Variants in GPAT3 observed in about 807,000 individuals in gnomAD.
The protein encoded by GPAT3 is 1-AGP acyltransferase 9.
Under a neutral mutation model 58.8 loss-of-function variants are expected in GPAT3, and 53 were observed. The observed-to-expected ratio is 0.90, with a 90% CI of 0.72 to 1.13. GPAT3 has a LOEUF of 1.13. Ranked by LOEUF, GPAT3 falls within the 50% of genes most tolerant of loss-of-function variation. GPAT3 has a pLI of 0.00. For missense variants in GPAT3, 511 were observed against 527.6 expected, an observed-to-expected ratio of 0.97 and a Z score of 0.31; for synonymous variants, 197 against 187.4, an observed-to-expected ratio of 1.05 and a Z score of -0.42.
At chr4:83,578,977 TTTCTTTCTTTCCTTCC>T (rs1560620719) in intron 2 of GPAT3, among the ~76,000 whole-genome samples, 7 of 133,470 alleles carry the variant, frequency 5.2e-5, no homozygotes, top group African/African-American at 1.8e-4. Flanking sequence ...TCTTTCTTTC[TTTCTTTCTTTCCTTCC>T]TTCCTTCCTT....
chr4:83,591,581 A>G lies in GPAT3; in HGVS notation c.738+1289A>G, dbSNP rs537053578. On this transcript the variant is annotated intron_variant, in intron 6 of 11. Transcript: ENST00000264409. ...CATCATACAAACAACAATTTTATGT[A>G]TAATTTCAAGATGTTTATGGGTCTC... 3.9e-4 allele frequency among the ~76,000 whole-genome samples: 59 copies of G among 152,336 alleles called. 2 individuals carry two copies. In the South Asian group the frequency reaches 9.1e-3, roughly 24 times the overall value.
At chr4:83,579,029 T>C (rs1560620913) in intron 2 of GPAT3, among the ~76,000 whole-genome samples, 12 of 20,650 alleles carry the variant, frequency 5.8e-4, no homozygotes, top group African/African-American at 1.0e-3. Context: ...TTTCTTTCTT[T>C]CTTTCTTTCT....
At chr4:83,566,419 T>TTATTATTATTA (rs141548038) in intron 2 of GPAT3, among the ~76,000 whole-genome samples, 3 of 143,594 alleles carry the variant, frequency 2.1e-5, no homozygotes, top group African/African-American at 7.8e-5. Context: ...AATTAATTAA[T>TTATTATTATTA]TTATTATTAT....
rs145558554 is a variant in GPAT3 at position 83,563,585 on chromosome 4, G to A, written c.209-17977G>A. On this transcript the variant is annotated intron_variant, in intron 2 of 11. Coordinates refer to ENST00000264409, the MANE Select transcript of GPAT3 (RefSeq NM_032717.5). Reference sequence around the variant, plus strand: ...CAGCCTCCTCCTCCCAGGTCCAAGCGATTCTCCTGCCTTAGGCTCCTGAAT... The same window carrying A: ...CAGCCTCCTCCTCCCAGGTCCAAGCAATTCTCCTGCCTTAGGCTCCTGAAT... 1.1e-3 allele frequency among the ~76,000 whole-genome samples: 163 copies of A among 148,052 alleles called. 1 individual carries two copies. The highest frequency in any genetic ancestry group is 3.6e-3 in the African/African-American group (145 of 40,428).
intron 1 of GPAT3, among the ~76,000 whole-genome samples, chr4:83,543,103 C>T (rs754109563): frequency 3.9e-5 from 6 of 152,174 alleles, no homozygotes; most frequent in Non-Finnish European, 8.8e-5. Flanking sequence ...AGTTTGAGTA[C>T]AGTCTGGTCG....
intron 1 of GPAT3, among the ~76,000 whole-genome samples, chr4:83,537,143 C>T (rs1724129245): frequency 6.6e-6 from 1 of 152,192 alleles, no homozygotes; most frequent in African/African-American, 2.4e-5. Context: ...GTTTTTACAG[C>T]CCCAGGTTTC....
chr4:83,554,952 C>T (rs569855774), intron 2 of GPAT3, among the ~76,000 whole-genome samples: 55 of 152,020 alleles, frequency 3.6e-4, no homozygotes, highest in African/African-American at 1.2e-3. Flanking sequence ...TATAGGTGTA[C>T]GCCACCATGC....
intron 2 of GPAT3, among the ~76,000 whole-genome samples, chr4:83,557,860 G>A (rs1469800322): frequency 6.6e-6 from 1 of 152,176 alleles, no homozygotes; most frequent in African/African-American, 2.4e-5. Flanking sequence ...AATGTAAAGG[G>A]CAATGAAGTT....
chr4:83,596,887 A>G lies in GPAT3; in HGVS notation c.884A>G (p.Lys295Arg), dbSNP rs367596705. Residue 295 changes from lysine to arginine, a missense_variant, in exon 8 of 12, where the codon AAA becomes AGA. Lys to Arg is a conservative substitution (Grantham distance 26, BLOSUM62 2). Transcript: ENST00000264409. ...RLKEHIADKK[K>R]LPILIFPEGT... is the part of the protein sequence containing the mutation. ...AAAGAACATATTGCTGATAAGAAGA[A>G]ACTACCCATACTAATTTTTCCTGAA... is the stretch of plus-strand genomic sequence containing the variant. The G allele has an allele frequency of 5.0e-6, 8 of 1,601,344 alleles. No individual in the cohort carries two copies. Among genetic ancestry groups the G allele is most frequent in the Non-Finnish European group, 6.8e-6 (8 of 1,177,046 alleles).
At chr4:83,585,852 G>T (rs147637907) in intron 3 of GPAT3, among the ~76,000 whole-genome samples, 1 of 152,176 alleles carries the variant, frequency 6.6e-6, no homozygotes, top group Non-Finnish European at 1.5e-5. Context: ...CTCCCAAACT[G>T]CTGGGATTGT....
At position 83,574,264 on chromosome 4, in the gene GPAT3, T is replaced by A. The variant is rs1725705072; in HGVS notation, c.209-7298T>A. On this transcript the variant is annotated intron_variant, in intron 2 of 11. Transcript: ENST00000264409. ...GTAGACCCTGATTTTCTTAACTGCT[T>A]GCTTAGGAAGTTTGCTTTACAACTG... Among the ~76,000 whole-genome samples, 3 of 152,240 alleles carry A rather than the reference T, an allele frequency of 2.0e-5. No homozygotes were observed. The South Asian group carries it at 6.2e-4, about 32-fold the overall frequency.
rs1458327949 is a variant in GPAT3, at chr4:83,536,215, T to C, written c.-408T>C. On this transcript the variant is annotated 5_prime_UTR_variant, in exon 1 of 12. Coordinates refer to ENST00000264409, the MANE Select transcript of GPAT3 (RefSeq NM_032717.5). ...GCTCGGGGAGGGCCTCCGTGAGTCA[T>C]CTGCTGAGTTGTCGCAATCGCCACC... The C allele has an allele frequency of 5.0e-6, 5 of 991,298 alleles. No homozygotes were observed. The highest frequency in any genetic ancestry group is 6.0e-6 in the Non-Finnish European group (5 of 834,054). 61.4% of individuals were successfully genotyped at this position (991,298 alleles called of 1,614,324 possible). A position where few individuals can be genotyped will look rare whatever the true frequency, so the allele number is the denominator to read the frequency against.
chr4:83,578,679 A>AC (rs1262972893), intron 2 of GPAT3, among the ~76,000 whole-genome samples: 2 of 152,124 alleles, frequency 1.3e-5, no homozygotes, highest in African/African-American at 4.8e-5. Flanking sequence ...AGATTGAGTA[A>AC]TGGGCTTTGA....
intron 2 of GPAT3, among the ~76,000 whole-genome samples, chr4:83,562,206 ATATATTATATATATATAT>A (rs1560611026): frequency 1.5e-4 from 5 of 32,478 alleles, no homozygotes; most frequent in African/African-American, 1.1e-3. Flanking sequence ...TATAATATAT[ATATATTATATATATATAT>A]AATATATATA....
intron 2 of GPAT3, among the ~76,000 whole-genome samples, chr4:83,575,569 C>A (rs1343743200): frequency 6.6e-6 from 1 of 152,096 alleles, no homozygotes; most frequent in Non-Finnish European, 1.5e-5. Context: ...CCCACCACCA[C>A]GCCTGGCTAA....
chr4:83,545,616 T>C (rs1490449706), intron 2 of GPAT3, among the ~76,000 whole-genome samples: 1 of 152,232 alleles, frequency 6.6e-6, no homozygotes, highest in Non-Finnish European at 1.5e-5. Flanking sequence ...TTTCAAATGA[T>C]TGAAGCAACT....
chr4:83,587,288 G>A lies in GPAT3; in HGVS notation c.513G>A (p.Leu171=), dbSNP rs772442105. 29 of 1,613,928 alleles carry A rather than the reference G, an allele frequency of 1.8e-5. No homozygotes were observed. The highest frequency in any genetic ancestry group is 2.4e-5 in the Non-Finnish European group (28 of 1,179,946). Residue 171 remains leucine, a synonymous_variant, in exon 4 of 12, where the codon CTG becomes CTA. Transcript: ENST00000264409. The stretch of plus-strand genomic sequence containing the variant: ...TGGCTTTCATTGGGATCAGTTTGCT[G>A]GTTATAGGAACTACACTGGTTGGGC... ...VTLAFIGISL[L]VIGTTLVGQL... is the part of the protein sequence containing the mutation.
chr4:83,546,789 A>G (rs1164810527), intron 2 of GPAT3, among the ~76,000 whole-genome samples: 1 of 152,190 alleles, frequency 6.6e-6, no homozygotes, highest in African/African-American at 2.4e-5. Flanking sequence ...AGCAAAGGAC[A>G]GTGTGAGATC....
chr4:83,541,238 CTT>C (rs796732041), intron 1 of GPAT3, among the ~76,000 whole-genome samples: 1 of 145,856 alleles, frequency 6.9e-6, no homozygotes, highest in African/African-American at 2.5e-5. Context: ...CTTTGCATAT[CTT>C]TTTTTTTTTT....
Sources: gnomAD v4.1 joint callset for allele counts (sites outside exome capture counted in the v4.1 genomes callset) on GRCh38, gnomAD v4.1.1 for gene constraint, MANE v1.5 for transcripts, NCBI Gene and HGNC (gene_info 2026-07-23, HGNC 2026-07-21) for gene names.